Variants in CREBBP observed in about 807,000 individuals in gnomAD.
CREBBP encodes the protein CREB binding lysine acetyltransferase, also known as CREB-binding protein.
In CREBBP, 19 loss-of-function variants were observed where a neutral mutation model predicts 265.0. That is an observed-to-expected ratio of 0.07 (90% CI 0.05 to 0.11). The LOEUF (loss-of-function observed/expected upper bound fraction) is 0.11, where lower values mean the gene tolerates loss of function less well. CREBBP is among the 10% of genes least tolerant of loss of function. CREBBP has a pLI of 1.00. For missense variants in CREBBP, 2,525 were observed against 3,219.0 expected, an observed-to-expected ratio of 0.78 and a Z score of 5.22; for synonymous variants, 1,457 against 1,223.7, an observed-to-expected ratio of 1.19 and a Z score of -3.98.
chr16:3,823,634 G>A (rs776676461), intron 2 of CREBBP, among the ~76,000 whole-genome samples: 2 of 152,120 alleles, frequency 1.3e-5, no homozygotes, highest in Non-Finnish European at 2.9e-5. Context: ...TTGGCTCTTG[G>A]TACCACAAAG....
intron 2 of CREBBP, among the ~76,000 whole-genome samples, chr16:3,838,948 A>C (rs1237275652): frequency 6.6e-6 from 1 of 152,202 alleles, no homozygotes; most frequent in Non-Finnish European, 1.5e-5. Flanking sequence ...TTTATGTGGC[A>C]CAGCACCTCG....
At chr16:3,833,068 T>TC (rs1239493501) in intron 2 of CREBBP, among the ~76,000 whole-genome samples, 1 of 152,228 alleles carries the variant, frequency 6.6e-6, no homozygotes, top group Admixed American at 6.5e-5. Flanking sequence ...AATGCTTTTT[T>TC]CCCACAGATC....
chr16:3,803,483 C>A (rs369678114), intron 3 of CREBBP, among the ~76,000 whole-genome samples: 4 of 151,544 alleles, frequency 2.6e-5, no homozygotes, highest in Non-Finnish European at 5.9e-5. Context: ...CTAGCCTGGG[C>A]GACAGATCGA....
intron 25 of CREBBP, 75 bp downstream of exon 25, chr16:3,739,503 G>A (rs373419583): frequency 1.3e-6 from 2 of 1,576,956 alleles, no homozygotes; most frequent in East Asian, 2.2e-5. Context: ...AGGCTCCTCT[G>A]GGACACTTAA....
chr16:3,739,792 C>A (rs962795492), intron 24 of CREBBP, 68 bp from the exon 25 acceptor site: 93 of 1,608,414 alleles, frequency 5.8e-5, no homozygotes, highest in Non-Finnish European at 7.7e-5. Flanking sequence ...GCACACCAGG[C>A]CTGCTCCTCT....
At chr16:3,849,942 A>C (rs1379942324) in intron 2 of CREBBP, among the ~76,000 whole-genome samples, 1 of 152,092 alleles carries the variant, frequency 6.6e-6, no homozygotes, top group Admixed American at 6.5e-5. Context: ...TACTGTGCCA[A>C]CAGATACTTC....
chr16:3,769,056 C>CT, intron 15 of CREBBP, 118 bp downstream of exon 15: 1 of 1,219,914 alleles, frequency 8.2e-7, no homozygotes, highest in Non-Finnish European at 1.2e-6. Flanking sequence ...AACCCACATT[C>CT]AAACAGAATA....
chr16:3,784,027 T>C (rs752384505), intron 5 of CREBBP, among the ~76,000 whole-genome samples: 13 of 152,268 alleles, frequency 8.5e-5, no homozygotes, highest in Non-Finnish European at 1.9e-4. Flanking sequence ...TGATACCATT[T>C]ATTCCTATTT....
chr16:3,801,059 C>T (rs561281011), intron 3 of CREBBP, among the ~76,000 whole-genome samples: 1 of 152,116 alleles, frequency 6.6e-6, no homozygotes, highest in Non-Finnish European at 1.5e-5. Context: ...CACACATCCC[C>T]GAGGGAAGAG....
intron 1 of CREBBP, among the ~76,000 whole-genome samples, chr16:3,871,491 T>C (rs2055299259): frequency 6.6e-6 from 1 of 152,232 alleles, no homozygotes; most frequent in African/African-American, 2.4e-5. Flanking sequence ...GAGTCTATAA[T>C]TGTCTAAGCA....
chr16:3,849,437 GTGTGTGT>G (rs1567360380), intron 2 of CREBBP, among the ~76,000 whole-genome samples: 339 of 16,468 alleles, frequency 0.021, 23 homozygotes, highest in Non-Finnish European at 0.047. Context: ...GTGTGTGTGT[GTGTGTGT>G]GTGTGTGTGT....
At chr16:3,736,873 T>A (rs2151330523) in intron 26 of CREBBP, 58 bp from the exon 27 acceptor site, 2 of 1,600,164 alleles carry the variant, frequency 1.2e-6, no homozygotes, top group Non-Finnish European at 1.7e-6. Context: ...GCCCTGCCTT[T>A]AAGGAGTTAT....
chr16:3,752,194 G>A (rs1475870470), intron 19 of CREBBP, among the ~76,000 whole-genome samples: 1 of 152,152 alleles, frequency 6.6e-6, no homozygotes, highest in African/African-American at 2.4e-5. Context: ...GAATTGCATG[G>A]AGCCCAAATT....
At chr16:3,782,412 AG>A (rs1353319888) in intron 6 of CREBBP, among the ~76,000 whole-genome samples, 2 of 152,244 alleles carry the variant, frequency 1.3e-5, no homozygotes, top group Non-Finnish European at 2.9e-5. Flanking sequence ...CTGCATTCTG[AG>A]GCACATGGCA....
rs778686287 is a variant in CREBBP at position 3,850,813 on chromosome 16, G to C, written c.282C>G (p.Pro94=). Residue 94 remains proline, a synonymous_variant, in exon 2 of 31, where the codon CCC becomes CCG. Transcript: ENST00000262367. ...PGIGNVSASS[P]VQQGLGGQAQ... is the part of the protein sequence containing the mutation. The stretch of plus-strand genomic sequence containing the variant: ...CCTGGCCACCCAGGCCCTGCTGCAC[G>C]GGGCTGCTGGCGCTCACATTTCCTA... 2 of 1,614,066 alleles carry C rather than the reference G, an allele frequency of 1.2e-6. No homozygotes were observed. The highest frequency in any genetic ancestry group is 1.6e-4 in the Middle Eastern group (1 of 6,062).
chr16:3,870,605 C>T (rs991410839), intron 1 of CREBBP, among the ~76,000 whole-genome samples: 3 of 152,076 alleles, frequency 2.0e-5, no homozygotes, highest in African/African-American at 7.2e-5. Context: ...AATCTTAGTT[C>T]GTTTTCTTAC....
intron 23 of CREBBP, chr16:3,740,916 C>T (rs932690630): frequency 5.5e-5 from 20 of 365,354 alleles, no homozygotes; most frequent in Non-Finnish European, 1.0e-4. Flanking sequence ...AGATGGCACA[C>T]CCTCAGTGGG....
At chr16:3,786,824 C>T (rs747805657) in intron 5 of CREBBP, among the ~76,000 whole-genome samples, 52 of 152,132 alleles carry the variant, frequency 3.4e-4, no homozygotes, top group Non-Finnish European at 7.2e-4. Context: ...GTAATCCCAG[C>T]ACTTTGGGAG....
intron 2 of CREBBP, among the ~76,000 whole-genome samples, chr16:3,844,367 C>G (rs1010754494): frequency 1.1e-4 from 17 of 152,080 alleles, no homozygotes; most frequent in African/African-American, 2.9e-4. Context: ...ATTATAAAAC[C>G]TACACAGATA....
Sources: gnomAD v4.1 joint callset for allele counts (sites outside exome capture counted in the v4.1 genomes callset) on GRCh38, gnomAD v4.1.1 for gene constraint, MANE v1.5 for transcripts, NCBI Gene and HGNC (gene_info 2026-07-23, HGNC 2026-07-21) for gene names.